Variants in NIM1K observed in about 807,000 individuals in gnomAD.
NIM1K encodes the protein NIM1 serine/threonine protein kinase.
A neutral mutation model predicts 37.1 loss-of-function variants in NIM1K; 35 were observed. That is an observed-to-expected ratio of 0.94 (90% CI 0.72 to 1.25). NIM1K has a LOEUF of 1.25. NIM1K is among the 50% of genes most tolerant of loss of function. The pLI is 0.00. For missense variants in NIM1K, 564 were observed against 548.0 expected, an observed-to-expected ratio of 1.03 and a Z score of -0.29; for synonymous variants, 234 against 206.6, an observed-to-expected ratio of 1.13 and a Z score of -1.14.
At chr5:43,267,767 C>G (rs901510869) in intron 2 of NIM1K, among the ~76,000 whole-genome samples, 2 of 152,034 alleles carry the variant, frequency 1.3e-5, no homozygotes, top group Non-Finnish European at 2.9e-5. Flanking sequence ...TTTGAGAATT[C>G]CTTTTGGAGT....
intron 1 of NIM1K, among the ~76,000 whole-genome samples, chr5:43,244,229 C>A (rs531808483): frequency 6.6e-6 from 1 of 152,208 alleles, no homozygotes; most frequent in Non-Finnish European, 1.5e-5. Context: ...GTTTGGAATG[C>A]TCAAGTCCAA....
intron 2 of NIM1K, among the ~76,000 whole-genome samples, chr5:43,265,043 C>G (rs1753101099): frequency 6.6e-6 from 1 of 152,204 alleles, no homozygotes; most frequent in Admixed American, 6.5e-5. Context: ...TCTCTGGCTG[C>G]CCTTAACATT....
intron 2 of NIM1K, among the ~76,000 whole-genome samples, chr5:43,261,299 C>T (rs1753026158): frequency 6.6e-6 from 1 of 151,878 alleles, no homozygotes; most frequent in African/African-American, 2.4e-5. Flanking sequence ...TAATGATTGC[C>T]ATAACTAGTA....
At chr5:43,196,053 A>T (rs1203381579) in intron 1 of NIM1K, among the ~76,000 whole-genome samples, 3 of 152,050 alleles carry the variant, frequency 2.0e-5, no homozygotes, top group Admixed American at 2.0e-4. Flanking sequence ...TTAGCGGCAG[A>T]TCTTAGTTCA....
chr5:43,266,714 A>G (rs1753168339), intron 2 of NIM1K, among the ~76,000 whole-genome samples: 1 of 152,218 alleles, frequency 6.6e-6, no homozygotes, highest in Non-Finnish European at 1.5e-5. Flanking sequence ...TGGGAGCTGT[A>G]GACTGGAGCT....
At chr5:43,263,450 G>A (rs1333469807) in intron 2 of NIM1K, among the ~76,000 whole-genome samples, 1 of 151,688 alleles carries the variant, frequency 6.6e-6, no homozygotes, top group Non-Finnish European at 1.5e-5. Flanking sequence ...GGGATCGGTG[G>A]TGATATCCCC....
At chr5:43,237,344 C>G (rs1170004994) in intron 1 of NIM1K, among the ~76,000 whole-genome samples, 2 of 152,204 alleles carry the variant, frequency 1.3e-5, no homozygotes, top group African/African-American at 4.8e-5. Context: ...TATATAGCAA[C>G]AGCAAGCTAA....
chr5:43,245,946 G>C lies in NIM1K; in HGVS notation c.171G>C (p.Gln57His), dbSNP rs1367601802. The stretch of plus-strand genomic sequence containing the variant: ...AGAAACTGACACAGGACATGTCCCA[G>C]GATGAGAAGGTGGTGAGGGAGATCA... ...PFEKLTQDMS[Q>H]DEKVVREITL... Residue 57 changes from glutamine (Q) to histidine (H), a missense_variant, in exon 2 of 4, where the codon CAG becomes CAC. Coordinates refer to ENST00000326035, the MANE Select transcript of NIM1K (RefSeq NM_153361.4). The C allele has an allele frequency of 6.2e-7, 1 of 1,614,156 alleles. No homozygotes were observed. The highest frequency in any genetic ancestry group is 8.5e-7 in the Non-Finnish European group (1 of 1,180,022).
chr5:43,210,198 G>T (rs1161307547), intron 1 of NIM1K, among the ~76,000 whole-genome samples: 3 of 151,340 alleles, frequency 2.0e-5, no homozygotes, highest in Non-Finnish European at 2.9e-5. Flanking sequence ...GAGGAGAGGG[G>T]AGGGGAGGAG....
At chr5:43,257,089 G>A (rs576487003) in intron 2 of NIM1K, among the ~76,000 whole-genome samples, 1 of 152,050 alleles carries the variant, frequency 6.6e-6, no homozygotes, top group Admixed American at 6.5e-5. Flanking sequence ...TTGAAAAGGA[G>A]GCTAGGGAGG....
At chr5:43,236,429 A>G (rs2112250185) in intron 1 of NIM1K, among the ~76,000 whole-genome samples, 1 of 152,316 alleles carries the variant, frequency 6.6e-6, no homozygotes, top group South Asian at 2.1e-4. Context: ...CAGCCTGGAC[A>G]ACGTAGTGAG....
At chr5:43,230,659 T>C (rs1328726122) in intron 1 of NIM1K, among the ~76,000 whole-genome samples, 1 of 152,220 alleles carries the variant, frequency 6.6e-6, no homozygotes, top group African/African-American at 2.4e-5. Flanking sequence ...GGGCAGGGCC[T>C]AGACTTCTGC....
intron 1 of NIM1K, among the ~76,000 whole-genome samples, chr5:43,213,534 C>T (rs991528853): frequency 1.3e-5 from 2 of 152,010 alleles, no homozygotes; most frequent in African/African-American, 4.8e-5. Flanking sequence ...CGCTCTGTCA[C>T]CCAGGCTGGA....
intron 3 of NIM1K, among the ~76,000 whole-genome samples, chr5:43,279,542 C>T (rs1052215127): frequency 2.0e-5 from 3 of 152,184 alleles, no homozygotes; most frequent in African/African-American, 7.2e-5. Context: ...CGGCTGAATT[C>T]TGTAAGGATA....
chr5:43,250,835 G>A (rs1454215492), intron 2 of NIM1K, among the ~76,000 whole-genome samples: 1 of 152,210 alleles, frequency 6.6e-6, no homozygotes, highest in East Asian at 1.9e-4. Flanking sequence ...TTTCATACAA[G>A]TGTGGGTTCA....
intron 1 of NIM1K, among the ~76,000 whole-genome samples, chr5:43,196,298 C>A (rs1751912937): frequency 6.6e-6 from 1 of 152,130 alleles, no homozygotes; most frequent in African/African-American, 2.4e-5. Flanking sequence ...TTGTTATCAT[C>A]ACAATGCATT....
chr5:43,223,222 C>G (rs1205013840), intron 1 of NIM1K, among the ~76,000 whole-genome samples: 1 of 151,992 alleles, frequency 6.6e-6, no homozygotes, highest in Non-Finnish European at 1.5e-5. Context: ...GCTTAAGAAC[C>G]CTGAGGCTGG....
At chr5:43,223,138 CAAAAA>C (rs35802290) in intron 1 of NIM1K, among the ~76,000 whole-genome samples, 4 of 85,782 alleles carry the variant, frequency 4.7e-5, no homozygotes, top group African/African-American at 4.2e-5. Flanking sequence ...GACTCCATCT[CAAAAA>C]AAAAAAAAAA....
At chr5:43,238,097 C>T (rs1752646518) in intron 1 of NIM1K, among the ~76,000 whole-genome samples, 3 of 140,548 alleles carry the variant, frequency 2.1e-5, no homozygotes, top group South Asian at 2.2e-4. Flanking sequence ...GGCTGGAGTG[C>T]AGTGGCACGA....
Sources: allele counts gnomAD v4.1 joint callset (sites outside exome capture counted in the v4.1 genomes callset), GRCh38; gene constraint gnomAD v4.1.1; transcripts MANE v1.5; gene names NCBI Gene and HGNC (gene_info 2026-07-23, HGNC 2026-07-21).